The following DNM3 variants were observed in gnomAD, a reference collection of about 807,000 sequenced individuals.
DNM3 encodes dynamin-3.
In DNM3, 47 loss-of-function variants were observed where a neutral mutation model predicts 101.6. That is an observed-to-expected ratio of 0.46 (90% confidence interval 0.37 to 0.59). DNM3 has a LOEUF of 0.59. Ranked by LOEUF, DNM3 falls within the 20% of genes least tolerant of loss-of-function variation. The probability of loss-of-function intolerance (pLI) is 0.00; values close to 1 mark genes in which losing one functional copy is unlikely to be tolerated. For missense variants in DNM3, 849 were observed against 1,085.7 expected (o/e 0.78, Z 3.06); for synonymous variants, 385 against 387.9 (o/e 0.99, Z 0.09).
At chr1:172,104,533 T>A (rs1011437894) in intron 13 of DNM3, among the ~76,000 whole-genome samples, 12 of 152,108 alleles carry the variant, frequency 7.9e-5, no homozygotes, top group Admixed American at 2.0e-4. Context: ...TACTGATTTA[T>A]AAGAGAATTT....
intron 20 of DNM3, among the ~76,000 whole-genome samples, chr1:172,403,514 CAAT>C (rs1462869788): frequency 6.6e-6 from 1 of 152,034 alleles, no homozygotes; most frequent in Non-Finnish European, 1.5e-5. Context: ...GGCAAGAAAA[CAAT>C]GATGCATTCT....
intron 15 of DNM3, among the ~76,000 whole-genome samples, chr1:172,284,824 C>T (rs2063634415): frequency 1.3e-5 from 2 of 152,088 alleles, no homozygotes; most frequent in African/African-American, 4.8e-5. Context: ...TATACTTTTA[C>T]CACCTCTGAG....
intron 14 of DNM3, among the ~76,000 whole-genome samples, chr1:172,184,023 A>G (rs633592): frequency 0.57 from 86,538 of 151,602 alleles, 26,719 homozygotes; most frequent in African/African-American, 0.81. Context: ...TGGCTCAGTT[A>G]CACTCAAGTA....
intron 1 of DNM3, among the ~76,000 whole-genome samples, chr1:171,910,898 G>A (rs1412734093): frequency 1.3e-5 from 2 of 152,190 alleles, no homozygotes; most frequent in Non-Finnish European, 2.9e-5. Context: ...ATCAGGAAAT[G>A]CTTCCCACAG....
At chr1:172,390,921 T>A (rs1447798493) in intron 20 of DNM3, among the ~76,000 whole-genome samples, 1 of 152,194 alleles carries the variant, frequency 6.6e-6, no homozygotes, top group Non-Finnish European at 1.5e-5. Flanking sequence ...CTTGCTTGAC[T>A]GCTTTACCTG....
intron 15 of DNM3, among the ~76,000 whole-genome samples, chr1:172,274,020 A>T (rs557578626): frequency 3.3e-5 from 5 of 152,088 alleles, no homozygotes; most frequent in African/African-American, 1.2e-4. Context: ...TGAAGAATCA[A>T]TATTACATTG....
intron 20 of DNM3, among the ~76,000 whole-genome samples, chr1:172,405,684 C>G (rs1333337785): frequency 6.6e-6 from 1 of 151,948 alleles, no homozygotes; most frequent in African/African-American, 2.4e-5. Context: ...CTCCTTAAAG[C>G]TCAAATTCTG....
intron 14 of DNM3, among the ~76,000 whole-genome samples, chr1:172,189,806 G>A (rs760353119): frequency 1.3e-5 from 2 of 151,990 alleles, no homozygotes; most frequent in Non-Finnish European, 2.9e-5. Context: ...AGGGGAGCAG[G>A]TGCTGTGACA....
chr1:172,374,700 C>A (rs1277821799), intron 17 of DNM3, among the ~76,000 whole-genome samples: 7 of 152,034 alleles, frequency 4.6e-5, no homozygotes, highest in Non-Finnish European at 1.0e-4. Flanking sequence ...TATGACGGCC[C>A]ATGCTGCTTT....
intron 1 of DNM3, among the ~76,000 whole-genome samples, chr1:171,867,587 G>A (rs1194266181): frequency 1.3e-5 from 2 of 152,110 alleles, no homozygotes; most frequent in Non-Finnish European, 2.9e-5. Flanking sequence ...TATATTTATG[G>A]TATTGTCACT....
At chr1:171,883,414 CCCT>C (rs757847160) in intron 1 of DNM3, among the ~76,000 whole-genome samples, 3,765 of 56,196 alleles carry the variant, frequency 0.067, 122 homozygotes, top group Admixed American at 0.097. Flanking sequence ...CACACACACA[CCCT>C]GTCAGAATGA....
Position 172,408,958 on chromosome 1 carries a change from GT to G in DNM3, c.*1119del. The G allele has an allele frequency of 3.0e-6, 3 of 985,364 alleles. No homozygotes were observed. Among genetic ancestry groups the G allele is most frequent in the Non-Finnish European group, 3.6e-6 (3 of 829,870 alleles). The allele number at this position is 985,364 out of a possible 1,614,324, so 61.0% of individuals were successfully genotyped here. A position where few individuals can be genotyped will look rare whatever the true frequency, so the allele number is the denominator to read the frequency against. ...TAAGAGCAGAGCTCACACTTTTACA[GT>G]TGCAGTATTTCAAAGTCCCTATCCA... On this transcript the variant is annotated 3_prime_UTR_variant, in exon 21 of 21. Coordinates refer to ENST00000627582, the MANE Select transcript of DNM3 (RefSeq NM_015569.5).
intron 17 of DNM3, among the ~76,000 whole-genome samples, chr1:172,328,208 T>A (rs2066020175): frequency 6.6e-6 from 1 of 152,188 alleles, no homozygotes; most frequent in Admixed American, 6.5e-5. Flanking sequence ...GTGACCTCTC[T>A]AGTTAATAGG....
At chr1:172,088,509 C>T (rs2053686666) in intron 12 of DNM3, among the ~76,000 whole-genome samples, 1 of 152,134 alleles carries the variant, frequency 6.6e-6, no homozygotes, top group Non-Finnish European at 1.5e-5. Flanking sequence ...GCCAAATTCT[C>T]CATAACTGGC....
chr1:172,415,056 C>G (rs889522841), downstream of DNM3, among the ~76,000 whole-genome samples: 3 of 152,146 alleles, frequency 2.0e-5, no homozygotes, highest in Non-Finnish European at 4.4e-5. Context: ...TGCATTCCAG[C>G]CTGAGGAGTG....
At chr1:172,014,767 T>G (rs184895525) in intron 4 of DNM3, among the ~76,000 whole-genome samples, 197 of 152,224 alleles carry the variant, frequency 1.3e-3, no homozygotes, top group African/African-American at 4.6e-3. Flanking sequence ...TTTAATTTTT[T>G]TTTCTGAGCA....
At chr1:172,234,454 C>T (rs1247115191) in intron 14 of DNM3, among the ~76,000 whole-genome samples, 17 of 152,108 alleles carry the variant, frequency 1.1e-4, no homozygotes, top group Admixed American at 1.1e-3. Flanking sequence ...AATGGCCATA[C>T]TGCCCAAGGT....
intron 14 of DNM3, among the ~76,000 whole-genome samples, chr1:172,216,844 T>C (rs2060718439): frequency 6.6e-6 from 1 of 152,044 alleles, no homozygotes; most frequent in East Asian, 1.9e-4. Flanking sequence ...ATGTTCATAT[T>C]TCAAAGTCAA....
intron 14 of DNM3, among the ~76,000 whole-genome samples, chr1:172,240,352 T>C (rs983031892): frequency 2.6e-5 from 4 of 152,162 alleles, no homozygotes; most frequent in Admixed American, 1.3e-4. Context: ...GAGGGGAACA[T>C]TCAGCTTTGA....
Sources: allele counts gnomAD v4.1 joint callset (sites outside exome capture counted in the v4.1 genomes callset), GRCh38; gene constraint gnomAD v4.1.1; transcripts MANE v1.5; gene names NCBI Gene and HGNC (gene_info 2026-07-23, HGNC 2026-07-21).